The following TRDN variants were observed in gnomAD, a reference collection of about 807,000 sequenced individuals.
TRDN encodes the protein triadin.
A neutral mutation model predicts 149.7 loss-of-function variants in TRDN; 161 were observed. That is an observed-to-expected ratio of 1.08 (90% CI 0.95 to 1.23). TRDN has a LOEUF of 1.23. Ranked by LOEUF, TRDN falls within the 50% of genes most tolerant of loss-of-function variation. TRDN has a pLI of 0.00. For missense variants in TRDN, 896 were observed against 823.5 expected (o/e 1.09, Z -1.08); for synonymous variants, 294 against 250.5 (o/e 1.17, Z -1.64).
chr6:123,304,048 G>T (rs1415743095), intron 24 of TRDN, among the ~76,000 whole-genome samples: 1 of 151,946 alleles, frequency 6.6e-6, no homozygotes, highest in African/African-American at 2.4e-5. Flanking sequence ...AGAAGTTTAA[G>T]CCAATGTAAC....
intron 14 of TRDN, among the ~76,000 whole-genome samples, chr6:123,382,549 A>C (rs1781760429): frequency 6.6e-6 from 1 of 151,932 alleles, no homozygotes; most frequent in African/African-American, 2.4e-5. Context: ...AGTTAACTTG[A>C]AACTTTCATT....
intron 1 of TRDN, among the ~76,000 whole-genome samples, chr6:123,597,473 T>G (rs1231195891): frequency 1.3e-5 from 2 of 152,128 alleles, no homozygotes; most frequent in Non-Finnish European, 2.9e-5. Flanking sequence ...CTGGCCTAGT[T>G]GTAGAGGATT....
intron 7 of TRDN, among the ~76,000 whole-genome samples, chr6:123,509,192 G>A (rs1003007951): frequency 1.3e-5 from 2 of 151,868 alleles, no homozygotes; most frequent in Non-Finnish European, 2.9e-5. Flanking sequence ...GTGTATGTGT[G>A]TGTGTGCACC....
chr6:123,225,750 C>T (rs1775334649), intron 38 of TRDN, among the ~76,000 whole-genome samples: 2 of 151,682 alleles, frequency 1.3e-5, no homozygotes, highest in African/African-American at 4.8e-5. Flanking sequence ...CAAATACATA[C>T]ACAATGACTC....
rs1781374965 is a variant in TRDN, at chr6:123,372,962, T to G, written c.1273+2643A>C. ...TGACTTGCAGAAATTGTCAGTCTAGTTTCAGCATCCCTGCCTAGCCCAAGG... is the reference window on the plus strand; with the variant it reads ...TGACTTGCAGAAATTGTCAGTCTAGGTTCAGCATCCCTGCCTAGCCCAAGG... On this transcript the variant is annotated intron_variant, in intron 19 of 40. Coordinates refer to ENST00000334268, the MANE Select transcript of TRDN (RefSeq NM_006073.4). Among the ~76,000 whole-genome samples, 3 of 152,022 alleles carry G rather than the reference T, an allele frequency of 2.0e-5. No homozygotes were observed. The South Asian group carries it at 6.2e-4, about 32-fold the overall frequency.
intron 35 of TRDN, among the ~76,000 whole-genome samples, chr6:123,258,078 A>C (rs1466120302): frequency 3.9e-5 from 6 of 152,296 alleles, no homozygotes; most frequent in African/African-American, 1.2e-4. Context: ...TGTCATCTGC[A>C]AACAGTAACA....
intron 38 of TRDN, among the ~76,000 whole-genome samples, chr6:123,246,823 C>A (rs1380941555): frequency 1.3e-5 from 2 of 151,950 alleles, no homozygotes; most frequent in Non-Finnish European, 2.9e-5. Flanking sequence ...AGGCCAATAT[C>A]CCTGATGAAC....
intron 10 of TRDN, among the ~76,000 whole-genome samples, chr6:123,453,352 A>G (rs998166804): frequency 3.9e-5 from 6 of 152,234 alleles, no homozygotes; most frequent in Non-Finnish European, 8.8e-5. Context: ...TTCACAATCT[A>G]TACATCTGAC....
In TRDN at chr6:123,343,273, T is replaced by A. The variant is rs181580695; in HGVS notation, c.1370-5604A>T. On this transcript the variant is annotated intron_variant, in intron 21 of 40. Transcript: ENST00000334268. ...TGCCCATTTATTTTTTATAATAACT[T>A]CTGATTATCCATTCATTTAAGATAT... Among the ~76,000 whole-genome samples, 71 of 152,146 alleles carry A rather than the reference T, an allele frequency of 4.7e-4. 1 individual carries two copies. The East Asian group carries it at 0.013, about 27-fold the overall frequency.
intron 1 of TRDN, among the ~76,000 whole-genome samples, chr6:123,626,775 G>A (rs984006307): frequency 4.6e-5 from 7 of 151,706 alleles, no homozygotes; most frequent in Non-Finnish European, 1.0e-4. Context: ...AATTTGTAAT[G>A]TAAAAATTAT....
At chr6:123,618,875 C>T (rs901945888) in intron 1 of TRDN, among the ~76,000 whole-genome samples, 3 of 152,070 alleles carry the variant, frequency 2.0e-5, no homozygotes, top group African/African-American at 7.2e-5. Context: ...CCTCTTCTTC[C>T]TTGTTCTTTT....
intron 38 of TRDN, 126 bp downstream of exon 38, chr6:123,252,286 G>T: frequency 4.4e-6 from 2 of 453,012 alleles, no homozygotes; most frequent in Admixed American, 8.6e-5. Flanking sequence ...ATAAATTCCT[G>T]TCAGAGGATT....
At chr6:123,298,320 A>T (rs1478497439) in intron 24 of TRDN, among the ~76,000 whole-genome samples, 1 of 151,942 alleles carries the variant, frequency 6.6e-6, no homozygotes, top group African/African-American at 2.4e-5. Context: ...GTAGCCTCAA[A>T]TATATCATTT....
intron 12 of TRDN, among the ~76,000 whole-genome samples, chr6:123,416,029 A>G (rs1478457064): frequency 6.6e-6 from 1 of 152,120 alleles, no homozygotes; most frequent in Non-Finnish European, 1.5e-5. Flanking sequence ...TGACGTTCAC[A>G]ACTACGACCA....
At chr6:123,483,189 G>A (rs1203581030) in intron 9 of TRDN, among the ~76,000 whole-genome samples, 4 of 150,762 alleles carry the variant, frequency 2.7e-5, no homozygotes, top group Non-Finnish European at 5.9e-5. Flanking sequence ...TACAAGCTCC[G>A]CCTCCCAGGT....
intron 21 of TRDN, chr6:123,350,020 A>C: frequency 1.0e-6 from 1 of 985,362 alleles, no homozygotes; most frequent in Non-Finnish European, 1.2e-6. Flanking sequence ...ATTTTGAAAC[A>C]TTCCTTAATT....
Position 123,260,642 on chromosome 6 carries a change from T to TATA in TRDN, c.1805-5_1805-4insTAT. ...TCTGTGACTTCTGATGTTCCTTCTT[T>TATA]AGAAAAAAAAAAAAAAAGAATGTAG... On this transcript the variant is annotated splice_polypyrimidine_tract_variant and splice_region_variant and intron_variant, in intron 33 of 40. Transcript: ENST00000334268. The TATA allele has an allele frequency of 5.1e-5, 47 of 916,028 alleles. No homozygotes were observed. The highest frequency in any genetic ancestry group is 5.8e-5 in the South Asian group (2 of 34,310). The allele number at this position is 916,028 out of a possible 1,614,324, so 56.7% of individuals were successfully genotyped here.
chr6:123,235,603 A>G (rs59582120), intron 38 of TRDN, among the ~76,000 whole-genome samples: 8,227 of 152,218 alleles, frequency 0.054, 664 homozygotes, highest in African/African-American at 0.19. Context: ...TGAGTTTTTC[A>G]GTGCAAACTT....
intron 1 of TRDN, among the ~76,000 whole-genome samples, chr6:123,624,196 A>G (rs913663011): frequency 1.6e-4 from 24 of 152,090 alleles, no homozygotes; most frequent in Non-Finnish European, 2.9e-4. Context: ...CTCTCCATCC[A>G]CAGGTAAATG....
Sources: allele counts gnomAD v4.1 joint callset (sites outside exome capture counted in the v4.1 genomes callset), GRCh38; gene constraint gnomAD v4.1.1; transcripts MANE v1.5; gene names NCBI Gene and HGNC (gene_info 2026-07-23, HGNC 2026-07-21).